POM121C: variants seen among roughly 807,000 people sequenced by gnomAD.
The protein encoded by POM121C is nuclear envelope pore membrane protein POM 121C.
In POM121C, 20 loss-of-function variants were observed where a neutral mutation model predicts 66.4. The ratio of observed to expected loss-of-function variants is 0.30; its 90% CI spans 0.21 to 0.44. The LOEUF is 0.44. Ranked by LOEUF, POM121C falls within the 20% of genes least tolerant of loss-of-function variation. The pLI, the probability that POM121C is intolerant of heterozygous loss-of-function variation, is 1.00. For synonymous variants in POM121C, 286 were observed against 528.0 expected (o/e 0.54, Z 6.28); for missense variants, 580 against 1,225.7 (o/e 0.47, Z 7.87).
chr7:75,419,279 T>C (rs1563135204), intron 14 of POM121C, 41 bp downstream of exon 14: 2 of 1,585,552 alleles, frequency 1.3e-6, no homozygotes, highest in Non-Finnish European at 1.7e-6. Context: ...CAACCTCTCC[T>C]CAGACAGACG....
chr7:75,436,459 T>C (rs150170903), intron 7 of POM121C, among the ~76,000 whole-genome samples: 14 of 152,336 alleles, frequency 9.2e-5, no homozygotes, highest in African/African-American at 3.1e-4. Context: ...TCAAAAATAA[T>C]AACTAGATAT....
intron 7 of POM121C, among the ~76,000 whole-genome samples, chr7:75,437,051 T>C (rs1415293135): frequency 1.3e-5 from 2 of 152,242 alleles, no homozygotes; most frequent in Non-Finnish European, 2.9e-5. Flanking sequence ...TCTAAATGCC[T>C]ATAAATCTCT....
chr7:75,451,256 C>T (rs1436673687), intron 3 of POM121C, among the ~76,000 whole-genome samples: 7 of 151,288 alleles, frequency 4.6e-5, no homozygotes, highest in South Asian at 4.2e-4. Flanking sequence ...GGAGGCATAA[C>T]GCTACCTGAC....
At chr7:75,454,524 C>T (rs1563150456) in intron 3 of POM121C, among the ~76,000 whole-genome samples, 1 of 152,114 alleles carries the variant, frequency 6.6e-6, no homozygotes, top group Non-Finnish European at 1.5e-5. Context: ...GAGCAGCCTC[C>T]AGTCAGCGGT....
intron 3 of POM121C, among the ~76,000 whole-genome samples, chr7:75,471,208 A>G (rs1215496906): frequency 6.6e-6 from 1 of 151,988 alleles, no homozygotes; most frequent in African/African-American, 2.4e-5. Flanking sequence ...TAAATGATAG[A>G]TTGATTGATT....
At chr7:75,485,021 A>AT (rs1792463685) in intron 1 of POM121C, among the ~76,000 whole-genome samples, 1 of 151,496 alleles carries the variant, frequency 6.6e-6, no homozygotes, top group South Asian at 2.1e-4. Context: ...CGACTTTTGT[A>AT]TTTTTTGTAG....
chr7:75,426,085 ACT>A (rs1374153168), intron 8 of POM121C, among the ~76,000 whole-genome samples: 4 of 148,402 alleles, frequency 2.7e-5, no homozygotes, highest in Non-Finnish European at 6.0e-5. Flanking sequence ...CGCTGACTTG[ACT>A]CTCTCTGCTC....
chr7:75,479,457 A>T (rs1792221669), intron 1 of POM121C, among the ~76,000 whole-genome samples: 1 of 151,208 alleles, frequency 6.6e-6, no homozygotes, highest in Non-Finnish European at 1.5e-5. Context: ...CTCTACTAAA[A>T]ATACAAAAAT....
At chr7:75,463,153 T>G (rs1554477273) in intron 3 of POM121C, among the ~76,000 whole-genome samples, 1 of 151,986 alleles carries the variant, frequency 6.6e-6, no homozygotes, top group Non-Finnish European at 1.5e-5. Flanking sequence ...TGAAACCCCG[T>G]CTCTACTAAA....
intron 4 of POM121C, 104 bp downstream of exon 4, chr7:75,441,328 T>G: frequency 7.1e-7 from 1 of 1,415,514 alleles, no homozygotes; most frequent in Non-Finnish European, 9.7e-7. Flanking sequence ...ACAAGCAGAT[T>G]CGTCCTTTCT....
intron 3 of POM121C, among the ~76,000 whole-genome samples, chr7:75,469,012 C>T (rs1367410012): frequency 3.9e-5 from 6 of 152,318 alleles, no homozygotes; most frequent in Non-Finnish European, 7.3e-5. Flanking sequence ...TTAAAGTTCA[C>T]GTAACAAAAA....
At chr7:75,465,477 T>C (rs1418646708) in intron 3 of POM121C, among the ~76,000 whole-genome samples, 2 of 150,208 alleles carry the variant, frequency 1.3e-5, no homozygotes, top group African/African-American at 4.9e-5. Context: ...GAGTCCGGCC[T>C]GGCACAGTGG....
chr7:75,473,173 T>C (rs1277357309), intron 3 of POM121C, among the ~76,000 whole-genome samples: 2 of 152,142 alleles, frequency 1.3e-5, no homozygotes, highest in African/African-American at 4.8e-5. Context: ...ACTATCTCAC[T>C]GGTACTGCTA....
In POM121C at chr7:75,416,846, T is replaced by C. The variant is rs1789483331; in HGVS notation, c.*1950A>G. 4 of 1,449,580 alleles carry C rather than the reference T, an allele frequency of 2.8e-6. 1 individual carries two copies. The East Asian group carries it at 9.9e-5, about 36-fold the overall frequency. The allele number at this position is 1,449,580 out of a possible 1,614,324, so 89.8% of individuals were successfully genotyped here. On this transcript the variant is annotated 3_prime_UTR_variant, in exon 15 of 15. Transcript: ENST00000615331. ...AAGCAGGAGAAAAATCTCACATTCATACTAAAAATTCCAACTAGACTCAAC... is the reference window on the plus strand; with the variant it reads ...AAGCAGGAGAAAAATCTCACATTCACACTAAAAATTCCAACTAGACTCAAC...
chr7:75,439,079 G>A, intron 6 of POM121C, 65 bp downstream of exon 6: 2 of 1,554,966 alleles, frequency 1.3e-6, no homozygotes, highest in Non-Finnish European at 1.8e-6. Flanking sequence ...AATCTATAGG[G>A]CAACAGCTCT....
Position 75,468,079 on chromosome 7 carries a change from C to T in POM121C, c.-152+6625G>A, listed in dbSNP as rs1409832011. 1.1e-4 allele frequency among the ~76,000 whole-genome samples: 14 copies of T among 133,300 alleles called. No individual in the cohort carries two copies. The Admixed American group carries it at 1.2e-3, about 11-fold the overall frequency. 87.4% of individuals were successfully genotyped at this position (133,300 alleles called of 152,430 possible). ...CTGAGGAGGCAGAAGTTGCAGTGAG[C>T]TGAGATGGCACAACTGCACCCCAAC... is the stretch of plus-strand genomic sequence containing the variant. On this transcript the variant is annotated intron_variant, in intron 3 of 14. Coordinates refer to ENST00000615331, the MANE Select transcript of POM121C (RefSeq NM_001099415.3).
chr7:75,424,204 G>A lies in POM121C; in HGVS notation c.893C>T (p.Thr298Ile). 6.2e-7 allele frequency: 1 copy of A among 1,612,030 alleles called. No homozygotes were observed. The highest frequency in any genetic ancestry group is 8.5e-7 in the Non-Finnish European group (1 of 1,179,864). ...AGGCTGAGTGGTAGGTGGGGTCTCA[G>A]TGACAGAGTTCGAGGCAGCATCTAA... is the stretch of plus-strand genomic sequence containing the variant. ...DKSDAASNSV[T>I]ETPPTTQPSF... Residue 298 changes from threonine (T) to isoleucine (I), a missense_variant, in exon 12 of 15, where the codon ACT becomes ATT. By Grantham distance (89) the Thr-to-Ile change is moderately conservative. Transcript: ENST00000615331.
chr7:75,477,607 C>A (rs1792140051), intron 1 of POM121C, among the ~76,000 whole-genome samples: 1 of 151,808 alleles, frequency 6.6e-6, no homozygotes, highest in South Asian at 2.1e-4. Context: ...AAAAATAGCT[C>A]AGGGAAAAAA....
rs587774047 is a variant in POM121C at position 75,483,414 on chromosome 7, A to G, written c.-458+2450T>C. Reference sequence around the variant, plus strand: ...TGTCGCCTCCCAAATCTCATGTTCAATTGTAATCCCCAATGTTCCCTCTTC... The same window carrying G: ...TGTCGCCTCCCAAATCTCATGTTCAGTTGTAATCCCCAATGTTCCCTCTTC... On this transcript the variant is annotated intron_variant, in intron 1 of 14. Coordinates refer to ENST00000615331, the MANE Select transcript of POM121C (RefSeq NM_001099415.3). 4.6e-5 allele frequency among the ~76,000 whole-genome samples: 7 copies of G among 152,102 alleles called. No individual in the cohort carries two copies. In the South Asian group the frequency reaches 6.2e-4, roughly 14 times the overall value.
Sources: gnomAD v4.1 joint callset for allele counts (sites outside exome capture counted in the v4.1 genomes callset) on GRCh38, gnomAD v4.1.1 for gene constraint, MANE v1.5 for transcripts, NCBI Gene and HGNC (gene_info 2026-07-23, HGNC 2026-07-21) for gene names.